ZNF385B: variants seen among roughly 807,000 people sequenced by gnomAD.
The protein encoded by ZNF385B is zinc finger protein 533.
In ZNF385B, 23 loss-of-function variants were observed where a neutral mutation model predicts 39.2. That is an observed-to-expected ratio of 0.59 (90% CI 0.42 to 0.83). ZNF385B has a LOEUF of 0.83. ZNF385B is among the 40% of genes least tolerant of loss of function. ZNF385B has a pLI of 0.00. For synonymous variants in ZNF385B, 205 were observed against 222.6 expected (o/e 0.92, Z 0.70); for missense variants, 552 against 598.9 (o/e 0.92, Z 0.82).
chr2:179,584,677 G>A (rs1686903612), intron 3 of ZNF385B, among the ~76,000 whole-genome samples: 1 of 152,158 alleles, frequency 6.6e-6, no homozygotes, highest in African/African-American at 2.4e-5. Context: ...GGAATGCAGA[G>A]GAGAAGAAAG....
intron 3 of ZNF385B, among the ~76,000 whole-genome samples, chr2:179,714,951 A>AAAAAAAAAAAAAAAAAC (rs1475019296): frequency 2.0e-5 from 3 of 150,414 alleles, no homozygotes; most frequent in African/African-American, 7.4e-5. Context: ...TCAAAAAAAA[A>AAAAAAAAAAAAAAAAAC]AAAAAAAAAA....
intron 3 of ZNF385B, among the ~76,000 whole-genome samples, chr2:179,634,560 C>T (rs1019776686): frequency 6.6e-6 from 1 of 152,152 alleles, no homozygotes; most frequent in African/African-American, 2.4e-5. Context: ...ACAACAGATG[C>T]TGGAGAGGAT....
chr2:179,753,840 G>A (rs947223432), intron 3 of ZNF385B, among the ~76,000 whole-genome samples: 8 of 152,178 alleles, frequency 5.3e-5, no homozygotes, highest in East Asian at 1.9e-4. Context: ...GGGCTGAGAC[G>A]ATGGGGTTTT....
intron 1 of ZNF385B, among the ~76,000 whole-genome samples, chr2:179,783,199 T>G (rs1257790888): frequency 2.0e-5 from 3 of 152,168 alleles, no homozygotes; most frequent in Non-Finnish European, 4.4e-5. Context: ...CCATCTGATC[T>G]TTGACAAAGC....
At chr2:179,761,761 CTTTT>C (rs34325728) in intron 3 of ZNF385B, among the ~76,000 whole-genome samples, 2 of 110,286 alleles carry the variant, frequency 1.8e-5, no homozygotes, top group African/African-American at 3.4e-5. Flanking sequence ...TTTTTCTTTT[CTTTT>C]TTTTTTTTTT....
intron 3 of ZNF385B, among the ~76,000 whole-genome samples, chr2:179,674,537 A>T (rs1034814239): frequency 6.6e-6 from 1 of 152,316 alleles, no homozygotes; most frequent in Admixed American, 6.5e-5. Flanking sequence ...TCTTGCCAAT[A>T]TTCTAGAATT....
intron 1 of ZNF385B, among the ~76,000 whole-genome samples, chr2:179,835,176 G>A (rs2106604858): frequency 6.6e-6 from 1 of 152,324 alleles, no homozygotes; most frequent in Middle Eastern, 3.4e-3. Flanking sequence ...ATTTAAGGGT[G>A]AAATGTCATG....
intron 3 of ZNF385B, among the ~76,000 whole-genome samples, chr2:179,753,658 TC>T (rs1702825992): frequency 6.6e-6 from 1 of 152,206 alleles, no homozygotes; most frequent in Non-Finnish European, 1.5e-5. Flanking sequence ...TCACATCCCT[TC>T]TAAGATGGAT....
At chr2:179,670,494 C>CAAAAACAAACA (rs747442111) in intron 3 of ZNF385B, among the ~76,000 whole-genome samples, 30,066 of 147,404 alleles carry the variant, frequency 0.2, 3,175 homozygotes, top group Admixed American at 0.25. Flanking sequence ...CAAAAACAAA[C>CAAAAACAAACA]AAAAAAAAAT....
chr2:179,764,001 A>G (rs1192864336), intron 3 of ZNF385B, among the ~76,000 whole-genome samples: 2 of 152,094 alleles, frequency 1.3e-5, no homozygotes, highest in Non-Finnish European at 2.9e-5. Context: ...TATTGTTCAG[A>G]TCCTCTATAT....
At chr2:179,666,805 G>A (rs1349738125) in intron 3 of ZNF385B, among the ~76,000 whole-genome samples, 2 of 152,154 alleles carry the variant, frequency 1.3e-5, no homozygotes, top group Admixed American at 6.5e-5. Flanking sequence ...TGATCACAGA[G>A]CTCTTTTCAT....
intron 1 of ZNF385B, among the ~76,000 whole-genome samples, chr2:179,796,715 T>C (rs1490867994): frequency 6.6e-6 from 1 of 151,682 alleles, no homozygotes. Context: ...GGGCAAAGAG[T>C]GCTGATCAAG....
intron 6 of ZNF385B, among the ~76,000 whole-genome samples, chr2:179,447,899 G>A (rs2049666712): frequency 6.6e-6 from 1 of 151,962 alleles, no homozygotes; most frequent in South Asian, 2.1e-4. Flanking sequence ...CATTGCAAAT[G>A]ATGGGAGATC....
At chr2:179,491,969 G>A (rs962328307) in intron 5 of ZNF385B, among the ~76,000 whole-genome samples, 4 of 152,156 alleles carry the variant, frequency 2.6e-5, no homozygotes, top group African/African-American at 4.8e-5. Context: ...CTAAAGCGCT[G>A]AGATTCAGGT....
At chr2:179,550,544 C>G (rs1376592842) in intron 3 of ZNF385B, among the ~76,000 whole-genome samples, 1 of 149,728 alleles carries the variant, frequency 6.7e-6, no homozygotes, top group East Asian at 1.9e-4. Flanking sequence ...ATTTTAATGA[C>G]AGACAATTTG....
At chr2:179,514,058 T>C (rs1019160881) in intron 5 of ZNF385B, 46 of 152,330 alleles carry the variant, frequency 3.0e-4, no homozygotes, top group African/African-American at 1.1e-3. Flanking sequence ...TTTATAAACT[T>C]AGTGGCTTAA....
intron 1 of ZNF385B, among the ~76,000 whole-genome samples, chr2:179,828,694 G>A (rs1237428855): frequency 6.6e-6 from 1 of 152,262 alleles, no homozygotes; most frequent in African/African-American, 2.4e-5. Flanking sequence ...ATCACTTCAA[G>A]AACTTTAAAA....
chr2:179,674,008 T>C (rs1441194227), intron 3 of ZNF385B, among the ~76,000 whole-genome samples: 1 of 152,210 alleles, frequency 6.6e-6, no homozygotes, highest in African/African-American at 2.4e-5. Flanking sequence ...AGAAGCACAG[T>C]TACTATATAT....
chr2:179,521,013 G>C (rs2105814365), intron 4 of ZNF385B, among the ~76,000 whole-genome samples: 1 of 152,148 alleles, frequency 6.6e-6, no homozygotes, highest in African/African-American at 2.4e-5. Flanking sequence ...AACATAGAAA[G>C]ACAAAAGATA....
Sources: gnomAD v4.1 joint callset for allele counts (sites outside exome capture counted in the v4.1 genomes callset) on GRCh38, gnomAD v4.1.1 for gene constraint, MANE v1.5 for transcripts, NCBI Gene and HGNC (gene_info 2026-07-23, HGNC 2026-07-21) for gene names.